The following TMEM232 variants were observed in gnomAD, a reference collection of about 807,000 sequenced individuals.
The protein encoded by TMEM232 is transmembrane protein 232.
A neutral mutation model predicts 78.8 loss-of-function variants in TMEM232; 80 were observed. The observed-to-expected ratio is 1.01, with a 90% CI of 0.85 to 1.22. The LOEUF (loss-of-function observed/expected upper bound fraction) is 1.22, where lower values mean the gene tolerates loss of function less well. TMEM232 is among the 50% of genes most tolerant of loss of function. The pLI is 0.00. For missense variants in TMEM232, 881 were observed against 742.2 expected (o/e 1.19, Z -2.17); for synonymous variants, 297 against 254.3 (o/e 1.17, Z -1.60).
upstream of TMEM232, among the ~76,000 whole-genome samples, chr5:110,728,422 C>G (rs1426305769): frequency 1.3e-5 from 2 of 151,732 alleles, no homozygotes; most frequent in African/African-American, 4.8e-5. Context: ...GAAAATAAAT[C>G]TGAACTACTA....
At chr5:110,467,648 C>G (rs1346503697) in intron 12 of TMEM232, among the ~76,000 whole-genome samples, 1 of 152,164 alleles carries the variant, frequency 6.6e-6, no homozygotes, top group Non-Finnish European at 1.5e-5. Context: ...CATATTAAGA[C>G]TACTGAAAGT....
chr5:110,729,665 G>A (rs750267743), upstream of TMEM232, among the ~76,000 whole-genome samples: 1 of 152,214 alleles, frequency 6.6e-6, no homozygotes, highest in East Asian at 1.9e-4. Flanking sequence ...GATGAAAGTA[G>A]CAATAACTGT....
At position 110,640,942 on chromosome 5, in the gene TMEM232, C is replaced by A. The variant is rs1274114612; in HGVS notation, c.292G>T (p.Ala98Ser). 1.3e-6 allele frequency: 2 copies of A among 1,541,050 alleles called. No individual in the cohort carries two copies. The highest frequency in any genetic ancestry group is 1.8e-6 in the Non-Finnish European group (2 of 1,141,614). The change falls in exon 4 of 14, where the codon GCA (alanine) becomes TCA (serine). Residue 98 changes from alanine (A) to serine (S), a missense_variant. Transcript: ENST00000455884. ...GCCAGATATATTACTTCAGTCCATG[C>A]AGCAGGAAGATGCACATGCCTTCCA... Reference protein sequence around the residue: ...GSGRHVHLPAAWTEVIYLAQC... With the variant: ...GSGRHVHLPASWTEVIYLAQC...
At chr5:110,512,088 T>C (rs1170689465) in intron 12 of TMEM232, among the ~76,000 whole-genome samples, 2 of 152,176 alleles carry the variant, frequency 1.3e-5, no homozygotes, top group African/African-American at 4.8e-5. Context: ...TCCTCCATCA[T>C]ACTCATCATT....
In TMEM232 at chr5:110,560,747, C is replaced by T. The variant is rs112140864; in HGVS notation, c.1455+7700G>A. Among the ~76,000 whole-genome samples the T allele has an allele frequency of 1.6e-3, 248 of 152,286 alleles. 1 individual carries two copies. The highest frequency in any genetic ancestry group is 5.8e-3 in the African/African-American group (242 of 41,574). On this transcript the variant is annotated intron_variant, in intron 11 of 13. Transcript: ENST00000455884. ...AATTTAAACCACAGTGACTTTTTCA[C>T]ATTATACCAATGAGACTGGCTGTCC...
chr5:110,727,103 A>C (rs1350774754), upstream of TMEM232, among the ~76,000 whole-genome samples: 1 of 152,216 alleles, frequency 6.6e-6, no homozygotes, highest in Non-Finnish European at 1.5e-5. Flanking sequence ...CAAAGCACCT[A>C]GAATGTTCTG....
At chr5:110,434,181 G>C (rs971661974) in intron 12 of TMEM232, among the ~76,000 whole-genome samples, 1 of 150,404 alleles carries the variant, frequency 6.6e-6, no homozygotes, top group Non-Finnish European at 1.5e-5. Flanking sequence ...AAAAAAACTT[G>C]GTTCTTTGAA....
At chr5:110,410,710 T>C (rs1431326027) in intron 2 of TMEM232, among the ~76,000 whole-genome samples, 2 of 152,164 alleles carry the variant, frequency 1.3e-5, no homozygotes, top group Non-Finnish European at 2.9e-5. Flanking sequence ...TTTTCAGGTG[T>C]ATAAACTCAT....
At chr5:110,391,478 C>G (rs766340024) in intron 3 of TMEM232, among the ~76,000 whole-genome samples, 2 of 151,824 alleles carry the variant, frequency 1.3e-5, no homozygotes, top group Non-Finnish European at 2.9e-5. Flanking sequence ...TTTCCATATC[C>G]TTATAGAATT....
chr5:110,719,528 T>C (rs973225015), intron 1 of TMEM232, among the ~76,000 whole-genome samples: 22 of 152,100 alleles, frequency 1.4e-4, no homozygotes, highest in African/African-American at 5.3e-4. Flanking sequence ...CTTTCTCGCT[T>C]CTTTAGATGT....
chr5:110,588,291 T>C (rs1184008496), intron 10 of TMEM232, among the ~76,000 whole-genome samples: 2 of 152,144 alleles, frequency 1.3e-5, no homozygotes, highest in Admixed American at 6.6e-5. Flanking sequence ...AAGAATGCCA[T>C]ATTTTACTTT....
At position 110,605,246 on chromosome 5, in the gene TMEM232, G is replaced by A; in HGVS notation, c.1139C>T (p.Thr380Ile). Residue 380 changes from threonine to isoleucine, a missense_variant, in exon 10 of 14, where the codon ACT becomes ATT. Transcript: ENST00000455884. ...LYAATSDLRK[T>I]ALIGFCHCKS... Reference sequence around the variant, plus strand: ...ACAGTGACAGAAACCAATTAAAGCAGTTTTTCGCAAATCAGAAGTGGCTGC... The same window carrying A: ...ACAGTGACAGAAACCAATTAAAGCAATTTTTCGCAAATCAGAAGTGGCTGC... The A allele has an allele frequency of 6.4e-7, 1 of 1,551,090 alleles. No individual in the cohort carries two copies. The highest frequency in any genetic ancestry group is 8.7e-7 in the Non-Finnish European group (1 of 1,146,668).
chr5:110,601,052 A>G (rs1476092141), intron 10 of TMEM232, among the ~76,000 whole-genome samples: 1 of 152,222 alleles, frequency 6.6e-6, no homozygotes, highest in East Asian at 1.9e-4. Flanking sequence ...ACCAATGACA[A>G]AAGCCACATG....
At chr5:110,494,435 G>A (rs1765432182) in intron 12 of TMEM232, among the ~76,000 whole-genome samples, 1 of 151,958 alleles carries the variant, frequency 6.6e-6, no homozygotes, top group African/African-American at 2.4e-5. Context: ...AAAATAACCA[G>A]TTCTATAGTA....
chr5:110,566,793 C>G (rs947995405), intron 11 of TMEM232, among the ~76,000 whole-genome samples: 13 of 151,890 alleles, frequency 8.6e-5, no homozygotes, highest in African/African-American at 2.7e-4. Flanking sequence ...TCCACATTTT[C>G]AGGTATCTTT....
chr5:110,644,137 T>C (rs1213034534), intron 2 of TMEM232, among the ~76,000 whole-genome samples: 1 of 151,958 alleles, frequency 6.6e-6, no homozygotes, highest in Admixed American at 6.6e-5. Flanking sequence ...ATTGGGCATT[T>C]TGAAATAAGC....
At chr5:110,655,213 A>G (rs1414820568) in intron 2 of TMEM232, among the ~76,000 whole-genome samples, 1 of 152,164 alleles carries the variant, frequency 6.6e-6, no homozygotes, top group Non-Finnish European at 1.5e-5. Flanking sequence ...TACAAGAAAA[A>G]AAACAAACAA....
At chr5:110,486,166 AG>A (rs1231959381) in intron 12 of TMEM232, among the ~76,000 whole-genome samples, 1 of 150,090 alleles carries the variant, frequency 6.7e-6, no homozygotes, top group African/African-American at 2.5e-5. Flanking sequence ...TTTTAACGGG[AG>A]GTTTTTTTTT....
chr5:110,661,313 T>C (rs993969223), intron 2 of TMEM232, among the ~76,000 whole-genome samples: 3 of 152,188 alleles, frequency 2.0e-5, no homozygotes, highest in Admixed American at 1.3e-4. Flanking sequence ...GATATCTCTT[T>C]TATTGTTTCT....
Sources: gnomAD v4.1 joint callset for allele counts (sites outside exome capture counted in the v4.1 genomes callset) on GRCh38, gnomAD v4.1.1 for gene constraint, MANE v1.5 for transcripts, NCBI Gene and HGNC (gene_info 2026-07-23, HGNC 2026-07-21) for gene names.